SEMA6D: variants seen among roughly 807,000 people sequenced by gnomAD.
SEMA6D encodes the protein semaphorin-6D.
In SEMA6D, 35 loss-of-function variants were observed where a neutral mutation model predicts 106.6. The ratio of observed to expected loss-of-function variants is 0.33; its 90% CI spans 0.25 to 0.44. The LOEUF is 0.44. SEMA6D is among the 20% of genes least tolerant of loss of function. The probability of loss-of-function intolerance (pLI) is 1.00; values close to 1 mark genes in which losing one functional copy is unlikely to be tolerated. For synonymous variants in SEMA6D, 499 were observed against 487.7 expected (o/e 1.02, Z -0.31); for missense variants, 1,185 against 1,345.9 (o/e 0.88, Z 1.87).
At chr15:47,760,912 A>G in intron 3 of SEMA6D, 66 bp from the exon 4 acceptor site, 1 of 1,410,016 alleles carries the variant, frequency 7.1e-7, no homozygotes, top group Admixed American at 2.0e-5. Context: ...TGTAAAAATA[A>G]AAAAGGAAGC....
intron 1 of SEMA6D, among the ~76,000 whole-genome samples, chr15:47,306,890 T>C (rs1489376252): frequency 6.6e-6 from 1 of 152,254 alleles, no homozygotes; most frequent in Non-Finnish European, 1.5e-5. Context: ...TATGTGTATC[T>C]TCATTTTGAA....
intron 1 of SEMA6D, among the ~76,000 whole-genome samples, chr15:47,286,733 C>A (rs61998454): frequency 0.018 from 2,765 of 152,222 alleles, 51 homozygotes; most frequent in African/African-American, 0.024. Context: ...TCTAGAGGTT[C>A]TAATCTCTCA....
chr15:47,483,103 A>G (rs1203186615), intron 3 of SEMA6D, among the ~76,000 whole-genome samples: 1 of 152,200 alleles, frequency 6.6e-6, no homozygotes, highest in Non-Finnish European at 1.5e-5. Flanking sequence ...AATGTATAAT[A>G]GAATAAGGAT....
chr15:47,360,062 C>T (rs1846268933), intron 1 of SEMA6D: 1 of 151,840 alleles, frequency 6.6e-6, no homozygotes, highest in Non-Finnish European at 1.5e-5. Flanking sequence ...TAGCCTTCTA[C>T]ACAAGGACAT....
At chr15:47,577,770 G>A (rs2076181736) in intron 3 of SEMA6D, among the ~76,000 whole-genome samples, 1 of 152,200 alleles carries the variant, frequency 6.6e-6, no homozygotes, top group African/African-American at 2.4e-5. Context: ...CTTGAAGTCA[G>A]AAAGTTAACC....
At chr15:47,421,103 T>C (rs906082072) in intron 2 of SEMA6D, among the ~76,000 whole-genome samples, 1 of 152,162 alleles carries the variant, frequency 6.6e-6, no homozygotes, top group Admixed American at 6.5e-5. Flanking sequence ...GTAAATGAAC[T>C]TTTCTTAACA....
At chr15:47,417,000 G>A (rs1412868475) in intron 2 of SEMA6D, among the ~76,000 whole-genome samples, 3 of 152,050 alleles carry the variant, frequency 2.0e-5, no homozygotes, top group Non-Finnish European at 4.4e-5. Context: ...CTGACAAAAT[G>A]TCGTTAGAGC....
At chr15:47,727,891 T>C (rs954626693) in intron 1 of SEMA6D, among the ~76,000 whole-genome samples, 2 of 152,236 alleles carry the variant, frequency 1.3e-5, no homozygotes, top group African/African-American at 2.4e-5. Context: ...ATTTTTTCCC[T>C]TGTGCTTTGC....
intron 1 of SEMA6D, among the ~76,000 whole-genome samples, chr15:47,343,427 C>T (rs1296146781): frequency 6.6e-6 from 1 of 151,050 alleles, no homozygotes; most frequent in East Asian, 2.0e-4. Context: ...CCACAACAGT[C>T]CCCAGTGTGT....
intron 3 of SEMA6D, among the ~76,000 whole-genome samples, chr15:47,515,046 C>A (rs1045139067): frequency 6.6e-6 from 1 of 152,204 alleles, no homozygotes; most frequent in African/African-American, 2.4e-5. Flanking sequence ...CCCTTGCATT[C>A]GCCTGGCAGC....
chr15:47,250,203 C>T (rs1422841421), intron 1 of SEMA6D, among the ~76,000 whole-genome samples: 1 of 152,158 alleles, frequency 6.6e-6, no homozygotes, highest in East Asian at 1.9e-4. Context: ...ACTAAAGGAA[C>T]ATCCACTATG....
chr15:47,428,561 G>A lies in SEMA6D; in HGVS notation c.-159+16089G>A, dbSNP rs531771597. 1.7e-3 allele frequency among the ~76,000 whole-genome samples: 59 copies of A among 34,458 alleles called. 3 individuals carry two copies. The highest frequency in any genetic ancestry group is 5.0e-3 in the African/African-American group (56 of 11,252). 22.6% of individuals were successfully genotyped at this position (34,458 alleles called of 152,430 possible). ...GGCCAAGGTAGGTGGATTGCTTGAG[G>A]TCAAGAGTTCAAGACCAACATGGCC... is the stretch of plus-strand genomic sequence containing the variant. On this transcript the variant is annotated intron_variant, in intron 2 of 19. Coordinates refer to the SEMA6D transcript ENST00000558014.
At chr15:47,301,336 C>G (rs2036009257) in intron 1 of SEMA6D, among the ~76,000 whole-genome samples, 1 of 152,202 alleles carries the variant, frequency 6.6e-6, no homozygotes, top group African/African-American at 2.4e-5. Context: ...GGAGCAGAGG[C>G]TCCTCAGTCT....
At chr15:47,579,840 T>A (rs2076225333) in intron 3 of SEMA6D, among the ~76,000 whole-genome samples, 1 of 152,116 alleles carries the variant, frequency 6.6e-6, no homozygotes, top group Non-Finnish European at 1.5e-5. Context: ...ACTGAGGAAG[T>A]AAAGAATCAT....
intron 4 of SEMA6D, among the ~76,000 whole-genome samples, chr15:47,654,105 G>A (rs1178404706): frequency 6.6e-6 from 1 of 152,170 alleles, no homozygotes; most frequent in East Asian, 1.9e-4. Flanking sequence ...CTAAAATGAA[G>A]AAGAAAGAAG....
At chr15:47,291,156 G>A (rs1304328199) in intron 1 of SEMA6D, among the ~76,000 whole-genome samples, 3 of 152,196 alleles carry the variant, frequency 2.0e-5, no homozygotes, top group Non-Finnish European at 4.4e-5. Context: ...AAAGCCCGAA[G>A]TCTAAGATGG....
At chr15:47,741,244 G>A (rs905365176) in intron 1 of SEMA6D, among the ~76,000 whole-genome samples, 1 of 152,156 alleles carries the variant, frequency 6.6e-6, no homozygotes, top group East Asian at 1.9e-4. Flanking sequence ...GTGACCAAAG[G>A]CAGATTACTT....
chr15:47,305,857 C>G (rs1026892771), intron 1 of SEMA6D, among the ~76,000 whole-genome samples: 1 of 152,202 alleles, frequency 6.6e-6, no homozygotes, highest in Admixed American at 6.6e-5. Context: ...TCATATTGGC[C>G]AGAGCCTCCT....
At chr15:47,349,195 G>A (rs2038210129) in intron 1 of SEMA6D, among the ~76,000 whole-genome samples, 1 of 151,980 alleles carries the variant, frequency 6.6e-6, no homozygotes, top group Non-Finnish European at 1.5e-5. Context: ...ATGCAGAAGG[G>A]AATCATGTTC....
Sources: gnomAD v4.1 joint callset for allele counts (sites outside exome capture counted in the v4.1 genomes callset) on GRCh38, gnomAD v4.1.1 for gene constraint, MANE v1.5 for transcripts, NCBI Gene and HGNC (gene_info 2026-07-23, HGNC 2026-07-21) for gene names.